ADAM29: variants seen among roughly 807,000 people sequenced by gnomAD.
The protein encoded by ADAM29 is ADAM metallopeptidase domain 29.
For missense variants in ADAM29, 969 were observed against 1,001.8 expected (o/e 0.97, Z 0.44); for synonymous variants, 367 against 342.3 (o/e 1.07, Z -0.80).
Position 174,977,704 on chromosome 4 carries a change from GA to G in ADAM29, c.2180del (p.Glu727GlyfsTer10). Reference sequence around the variant, plus strand: ...GGAAAAAATTCAGCGTCGACCTCATGAGTTACCTCCCCAGAGTCAACCTTGG... The same window carrying G: ...GGAAAAAATTCAGCGTCGACCTCATGGTTACCTCCCCAGAGTCAACCTTGG... Reference protein sequence around the residue: ...EEEKIQRRPHELPPQSQPWVM... With the variant: ...EEEKIQRRPHXLPPQSQPWVM... On this transcript the variant is annotated frameshift_variant, in exon 5 of 5. Coordinates refer to ENST00000359240, the MANE Select transcript of ADAM29 (RefSeq NM_014269.4). LOFTEE classifies it low-confidence loss of function (END_TRUNC). 1 of 1,614,262 alleles carries G rather than the reference GA, an allele frequency of 6.2e-7. No homozygotes were observed. The highest frequency in any genetic ancestry group is 1.1e-5 in the South Asian group (1 of 91,084).
chr4:174,943,998 G>A (rs1744695314), intron 4 of ADAM29, among the ~76,000 whole-genome samples: 1 of 151,592 alleles, frequency 6.6e-6, no homozygotes, highest in South Asian at 2.1e-4. Context: ...ATACTGAAAG[G>A]TATACCACTG....
At position 174,976,875 on chromosome 4, in the gene ADAM29, A is replaced by G. The variant is rs776946376; in HGVS notation, c.1350A>G (p.Pro450=). The change falls in exon 5 of 5, where the codon CCA becomes CCG. Residue 450 remains proline (P), a synonymous_variant. Transcript: ENST00000359240. ...GTTGCAAAGACTGCAAGTTCCTACCATCAGGGAAAGTGTGTAGAAAGGAGG... is the reference window on the plus strand; with the variant it reads ...GTTGCAAAGACTGCAAGTTCCTACCGTCAGGGAAAGTGTGTAGAAAGGAGG... ...GLCCKDCKFL[P]SGKVCRKEVN... 4.3e-6 allele frequency: 7 copies of G among 1,614,084 alleles called. No homozygotes were observed. In the South Asian group the frequency reaches 6.6e-5, roughly 15 times the overall value.
intron 2 of ADAM29, among the ~76,000 whole-genome samples, chr4:174,926,873 ACT>A (rs1491113204): frequency 6.6e-6 from 1 of 152,056 alleles, no homozygotes; most frequent in Non-Finnish European, 1.5e-5. Flanking sequence ...GTCTTTATGA[ACT>A]CTCTCTGACT....
intron 4 of ADAM29, among the ~76,000 whole-genome samples, chr4:174,957,916 T>C (rs941496634): frequency 6.6e-6 from 1 of 151,864 alleles, no homozygotes; most frequent in African/African-American, 2.4e-5. Flanking sequence ...TTATGAGCTT[T>C]TGATCTTACA....
intron 4 of ADAM29, among the ~76,000 whole-genome samples, chr4:174,942,237 G>C (rs1258794705): frequency 6.6e-6 from 1 of 152,174 alleles, no homozygotes; most frequent in Non-Finnish European, 1.5e-5. Flanking sequence ...CCATTCTGGG[G>C]TCTGGAGGAT....
rs1301799419 is a variant in ADAM29 at position 174,976,352 on chromosome 4, A to C, written c.827A>C (p.Asn276Thr). 4 of 1,608,856 alleles carry C rather than the reference A, an allele frequency of 2.5e-6. No homozygotes were observed. Among genetic ancestry groups the C allele is most frequent in the Non-Finnish European group, 3.4e-6 (4 of 1,178,136 alleles). ...CTGTATTGCAAGTGGAAGTCGGAGA[A>C]CATTACGCCCCGGATGCAACATGAC... The part of the protein sequence containing the change: ...VHLYCKWKSE[N>T]ITPRMQHDTS... The change falls in exon 5 of 5, where the codon AAC (asparagine) becomes ACC (threonine). Residue 276 changes from asparagine to threonine, a missense_variant. Asn to Thr is a moderately conservative substitution (Grantham distance 65, BLOSUM62 0). Transcript: ENST00000359240.
At chr4:174,970,418 T>C (rs1428328495) in intron 4 of ADAM29, among the ~76,000 whole-genome samples, 3 of 152,074 alleles carry the variant, frequency 2.0e-5, no homozygotes, top group African/African-American at 4.8e-5. Context: ...TGAAGTGATA[T>C]GAGAATGATT....
chr4:174,973,387 C>G (rs1364896912), intron 4 of ADAM29, among the ~76,000 whole-genome samples: 1 of 152,150 alleles, frequency 6.6e-6, no homozygotes, highest in East Asian at 1.9e-4. Context: ...TTCTGAATCT[C>G]CCTACCAACT....
At chr4:174,938,863 C>A (rs1744352625) in intron 4 of ADAM29, among the ~76,000 whole-genome samples, 1 of 152,118 alleles carries the variant, frequency 6.6e-6, no homozygotes, top group South Asian at 2.1e-4. Flanking sequence ...TCTGAAGAGA[C>A]TCTGGGGCAG....
chr4:174,976,779 T>C lies in ADAM29; in HGVS notation c.1254T>C (p.His418=). The change falls in exon 5 of 5, where the codon CAT becomes CAC. Residue 418 remains histidine (H), a synonymous_variant. Transcript: ENST00000359240. The part of the protein sequence containing the change: ...GEECDCGPLK[H]CAKDPCCLSN... Reference sequence around the variant, plus strand: ...AGTGTGACTGTGGACCTTTAAAGCATTGTGCAAAAGATCCCTGCTGTCTGT... The same window carrying C: ...AGTGTGACTGTGGACCTTTAAAGCACTGTGCAAAAGATCCCTGCTGTCTGT... 1 of 1,614,150 alleles carries C rather than the reference T, an allele frequency of 6.2e-7. No individual in the cohort carries two copies. The highest frequency in any genetic ancestry group is 8.5e-7 in the Non-Finnish European group (1 of 1,180,012).
At chr4:174,923,903 G>C (rs1743336397) in intron 2 of ADAM29, 1 of 152,462 alleles carries the variant, frequency 6.6e-6, no homozygotes, top group African/African-American at 2.4e-5. Context: ...TTCTTTAAGG[G>C]GATAACAGGC....
At chr4:174,947,501 C>T (rs1351236440) in intron 4 of ADAM29, among the ~76,000 whole-genome samples, 3 of 152,134 alleles carry the variant, frequency 2.0e-5, no homozygotes, top group Admixed American at 6.5e-5. Flanking sequence ...TCATTGTTTA[C>T]CCAAAAGCCA....
In ADAM29 at chr4:174,977,907, G is replaced by C. The variant is rs1335026288; in HGVS notation, c.2382G>C (p.Gln794His). 6.3e-7 allele frequency: 1 copy of C among 1,591,064 alleles called. No homozygotes were observed. The highest frequency in any genetic ancestry group is 8.6e-7 in the Non-Finnish European group (1 of 1,167,158). ...SQSHPQLTPSQSQPPVTPSQR... is the reference protein window; with the variant it reads ...SQSHPQLTPSHSQPPVTPSQR... ...GTCATCCTCAGTTGACGCCTTCCCA[G>C]AGTCAACCTCCTGTGACACCCTCCC... Residue 794 changes from glutamine (Q) to histidine (H), a missense_variant, in exon 5 of 5, where the codon CAG (glutamine) becomes CAC (histidine). Physicochemically the swap from Gln to His is conservative, Grantham distance 24. Transcript: ENST00000359240.
At chr4:174,947,202 C>A (rs1744903767) in intron 4 of ADAM29, among the ~76,000 whole-genome samples, 3 of 151,866 alleles carry the variant, frequency 2.0e-5, no homozygotes, top group Admixed American at 2.0e-4. Flanking sequence ...CCAACTCCTG[C>A]TGGATTTGTT....
chr4:174,948,681 T>C (rs1422884632), intron 4 of ADAM29, among the ~76,000 whole-genome samples: 3 of 152,158 alleles, frequency 2.0e-5, no homozygotes, highest in Non-Finnish European at 4.4e-5. Flanking sequence ...GTGGGGTGCA[T>C]GCATGTTGGC....
intron 4 of ADAM29, among the ~76,000 whole-genome samples, chr4:174,963,842 C>T (rs946598873): frequency 1.3e-5 from 2 of 151,108 alleles, no homozygotes; most frequent in African/African-American, 4.9e-5. Flanking sequence ...CCACTGTGCC[C>T]AGCTAAGTTT....
At chr4:174,919,727 C>T (rs556178225) in intron 1 of ADAM29, among the ~76,000 whole-genome samples, 2 of 152,262 alleles carry the variant, frequency 1.3e-5, no homozygotes, top group African/African-American at 2.4e-5. Context: ...AGTCAGTGCC[C>T]ATCCAGAATA....
chr4:174,970,468 T>A (rs1579079667), intron 4 of ADAM29, among the ~76,000 whole-genome samples: 1 of 151,992 alleles, frequency 6.6e-6, no homozygotes, highest in African/African-American at 2.4e-5. Flanking sequence ...ATTGAAGGAA[T>A]AAGTCTATGA....
chr4:174,970,188 G>C (rs1260971074), intron 4 of ADAM29, among the ~76,000 whole-genome samples: 1 of 147,354 alleles, frequency 6.8e-6, no homozygotes, highest in East Asian at 1.9e-4. Context: ...GGATGAAGTG[G>C]GTGGAATAAT....
Sources: gnomAD v4.1 joint callset for allele counts (sites outside exome capture counted in the v4.1 genomes callset) on GRCh38, gnomAD v4.1.1 for gene constraint, MANE v1.5 for transcripts, NCBI Gene and HGNC (gene_info 2026-07-23, HGNC 2026-07-21) for gene names.